The following LARGE1 variants were observed in gnomAD, a reference collection of about 807,000 sequenced individuals.
The protein encoded by LARGE1 is xylosyl- and glucuronyltransferase LARGE1.
In LARGE1, 43 loss-of-function variants were observed where a neutral mutation model predicts 87.6. The ratio of observed to expected loss-of-function variants is 0.49; its 90% CI spans 0.38 to 0.63. The LOEUF (loss-of-function observed/expected upper bound fraction) is 0.63. Among genes scored for constraint, LARGE1 ranks in the 30% least tolerant of loss-of-function variants. The probability of loss-of-function intolerance (pLI) is 0.00; values close to 1 mark genes in which losing one functional copy is unlikely to be tolerated. For missense variants in LARGE1, 802 were observed against 1,000.2 expected, an observed-to-expected ratio of 0.80 and a Z score of 2.67; for synonymous variants, 434 against 394.6, an observed-to-expected ratio of 1.10 and a Z score of -1.18.
intron 1 of LARGE1, among the ~76,000 whole-genome samples, chr22:33,837,918 A>C (rs1397733376): frequency 6.6e-6 from 1 of 152,230 alleles, no homozygotes; most frequent in Non-Finnish European, 1.5e-5. Flanking sequence ...ACGGGCCAGC[A>C]AAATTTTTAT....
intron 2 of LARGE1, among the ~76,000 whole-genome samples, chr22:33,758,990 A>AT (rs1292232639): frequency 6.6e-6 from 1 of 152,220 alleles, no homozygotes; most frequent in African/African-American, 2.4e-5. Flanking sequence ...ATCAGAGGCA[A>AT]TATTAGTGAA....
At chr22:33,382,189 C>A in intron 8 of LARGE1, 145 bp from the exon 9 acceptor site, 1 of 989,266 alleles carries the variant, frequency 1.0e-6, no homozygotes, top group Non-Finnish European at 1.5e-6. Flanking sequence ...TGTGAGGCAT[C>A]TCTCTTGCCT....
intron 2 of LARGE1, among the ~76,000 whole-genome samples, chr22:33,697,265 G>T (rs1253997565): frequency 1.3e-5 from 2 of 152,130 alleles, no homozygotes; most frequent in African/African-American, 2.4e-5. Context: ...TGCTTATACA[G>T]ATCTCAGCAG....
At chr22:33,102,661 T>C in the LARGE1 span, among the ~76,000 whole-genome samples, 1 of 152,126 alleles carries the variant, frequency 6.6e-6, no homozygotes. Flanking sequence ...AGCTACTTTT[T>C]TGTATTTTTA....
intron 7 of LARGE1, among the ~76,000 whole-genome samples, chr22:33,392,008 A>G (rs1601680880): frequency 1.3e-5 from 2 of 151,954 alleles, no homozygotes; most frequent in East Asian, 1.9e-4. Flanking sequence ...TGACCTCATG[A>G]TCCACCTGCC....
chr22:33,646,365 C>T (rs927757132), intron 3 of LARGE1, among the ~76,000 whole-genome samples: 1 of 151,952 alleles, frequency 6.6e-6, no homozygotes, highest in Non-Finnish European at 1.5e-5. Flanking sequence ...TGTTCTCTCT[C>T]GTAAGTGGGA....
At chr22:33,233,029 G>T (rs1196739880) in intron 11 of LARGE1, among the ~76,000 whole-genome samples, 1 of 152,264 alleles carries the variant, frequency 6.6e-6, no homozygotes, top group Non-Finnish European at 1.5e-5. Flanking sequence ...AAGCTTCAAA[G>T]GTTGAATGTG....
intron 2 of LARGE1, among the ~76,000 whole-genome samples, chr22:33,697,549 CAAA>C (rs3072289): frequency 8.3e-4 from 45 of 54,114 alleles, no homozygotes; most frequent in South Asian, 2.4e-3. Flanking sequence ...GACTCTGTCC[CAAA>C]AAAAAAAAAA....
Position 33,395,765 on chromosome 22 carries a change from T to C in LARGE1, c.893-11461A>G, listed in dbSNP as rs991052362. The stretch of plus-strand genomic sequence containing the variant: ...TGAAACCTTTTATTCCTAAACTCAG[T>C]ACTTCTCACAGTGTATGATGTAGCA... On this transcript the variant is annotated intron_variant, in intron 7 of 14. Transcript: ENST00000397394. Among the ~76,000 whole-genome samples the C allele has an allele frequency of 3.9e-5, 6 of 152,328 alleles. No homozygotes were observed. The East Asian group carries it at 9.7e-4, about 25-fold the overall frequency.
At chr22:33,304,159 C>A in intron 12 of LARGE1, 70 bp downstream of exon 12, 2 of 1,565,818 alleles carry the variant, frequency 1.3e-6, no homozygotes, top group Admixed American at 1.7e-5. Flanking sequence ...CCCTAAGGGC[C>A]TTTTGGTCCT....
intron 9 of LARGE1, among the ~76,000 whole-genome samples, chr22:33,338,252 C>T (rs1269378547): frequency 1.3e-5 from 2 of 152,168 alleles, no homozygotes; most frequent in Non-Finnish European, 2.9e-5. Context: ...CTGTTGCTTC[C>T]TGTCCCTGTG....
intron 11 of LARGE1, among the ~76,000 whole-genome samples, chr22:33,170,180 C>T (rs1216895431): frequency 6.6e-6 from 1 of 151,844 alleles, no homozygotes; most frequent in Non-Finnish European, 1.5e-5. Context: ...ACCAGCCTGG[C>T]CAACATGATG....
intron 4 of LARGE1, among the ~76,000 whole-genome samples, chr22:33,624,916 A>G (rs2079874678): frequency 6.6e-6 from 1 of 152,206 alleles, no homozygotes; most frequent in South Asian, 2.1e-4. Flanking sequence ...TCTCAGAGGG[A>G]GAATCGCAAA....
At chr22:33,252,250 T>A (rs1927040454) in intron 11 of LARGE1, among the ~76,000 whole-genome samples, 1 of 41,988 alleles carries the variant, frequency 2.4e-5, no homozygotes, top group Non-Finnish European at 4.1e-5. Context: ...AATTCCTTCA[T>A]TCCCCCCCCC....
intron 9 of LARGE1, among the ~76,000 whole-genome samples, chr22:33,366,521 C>T (rs970551739): frequency 3.1e-4 from 47 of 152,142 alleles, no homozygotes; most frequent in African/African-American, 1.1e-3. Flanking sequence ...CTTGTCTTTC[C>T]TGGAACAAAC....
chr22:33,554,960 G>T (rs946144597), intron 6 of LARGE1, among the ~76,000 whole-genome samples: 3 of 152,120 alleles, frequency 2.0e-5, no homozygotes, highest in Admixed American at 6.5e-5. Context: ...TGCCTTCCTG[G>T]TGCTTACACT....
At chr22:33,441,750 C>T (rs1057152635) in intron 6 of LARGE1, among the ~76,000 whole-genome samples, 2 of 152,186 alleles carry the variant, frequency 1.3e-5, no homozygotes. Context: ...ACACCCAGCT[C>T]ATAGGTAATA....
At chr22:33,860,240 C>T (rs1418500829) in intron 1 of LARGE1, among the ~76,000 whole-genome samples, 2 of 152,158 alleles carry the variant, frequency 1.3e-5, no homozygotes, top group East Asian at 3.8e-4. Flanking sequence ...GATCCTACCG[C>T]TTCAGCTTCC....
chr22:33,259,335 CACACACACACACAA>C (rs1568993151), intron 11 of LARGE1, among the ~76,000 whole-genome samples: 1 of 150,862 alleles, frequency 6.6e-6, no homozygotes, highest in Non-Finnish European at 1.5e-5. Flanking sequence ...CACACACACA[CACACACACACACAA>C]ACACACACAT....
Sources: allele counts gnomAD v4.1 joint callset (sites outside exome capture counted in the v4.1 genomes callset), GRCh38; gene constraint gnomAD v4.1.1; transcripts MANE v1.5; gene names NCBI Gene and HGNC (gene_info 2026-07-23, HGNC 2026-07-21).